The following NPAT variants were observed in gnomAD, a reference collection of about 807,000 sequenced individuals.
The protein encoded by NPAT is protein NPAT.
NPAT carries 52 observed loss-of-function variants against 130.7 expected under a neutral mutation model. The observed-to-expected ratio is 0.40, with a 90% confidence interval of 0.32 to 0.50. NPAT has a LOEUF of 0.50. NPAT is among the 20% of genes least tolerant of loss of function. The probability of loss-of-function intolerance (pLI) is 0.68; values close to 1 mark genes in which losing one functional copy is unlikely to be tolerated. For missense variants in NPAT, 1,687 were observed against 1,662.6 expected (o/e 1.01, Z -0.26); for synonymous variants, 580 against 584.8 (o/e 0.99, Z 0.12).
At chr11:108,207,402 T>C (rs2078339171) in intron 1 of NPAT, among the ~76,000 whole-genome samples, 1 of 152,218 alleles carries the variant, frequency 6.6e-6, no homozygotes, top group South Asian at 2.1e-4. Flanking sequence ...TAGGAGACCA[T>C]CTGCCTCCTG....
chr11:108,161,852 C>A lies in NPAT; in HGVS notation c.3234G>T (p.Gly1078=), dbSNP rs759474346. Residue 1078 remains glycine (G), a synonymous_variant, in exon 17 of 18, where the codon GGG becomes GGT. Coordinates refer to ENST00000278612, the MANE Select transcript of NPAT (RefSeq NM_002519.3). ...TTTGGGACACCATCTTATGGTTTGG[C>A]CCCTGCGTATTTGCCACAGGAGCAG... is the stretch of plus-strand genomic sequence containing the variant. ...STTAPVANTQ[G]PNHKMVSQNK... 2 of 1,614,072 alleles carry A rather than the reference C, an allele frequency of 1.2e-6. No homozygotes were observed. The highest frequency in any genetic ancestry group is 2.2e-5 in the South Asian group (2 of 91,086).
intron 1 of NPAT, among the ~76,000 whole-genome samples, chr11:108,198,662 T>C (rs903441767): frequency 6.6e-6 from 1 of 152,098 alleles, no homozygotes; most frequent in African/African-American, 2.4e-5. Flanking sequence ...TTTTCCAGGT[T>C]CACCCATGGA....
rs952102476 is a variant in NPAT, at chr11:108,157,307, T to C, written c.*1635A>G. On this transcript the variant is annotated 3_prime_UTR_variant, in exon 18 of 18. Coordinates refer to ENST00000278612, the MANE Select transcript of NPAT (RefSeq NM_002519.3). ...AGAAGAAAACTGTGATTTTCAGCAT[T>C]GTACAAACTCCCAAAAAGAACTGAC... 3 of 152,176 alleles carry C rather than the reference T, an allele frequency of 2.0e-5. No individual in the cohort carries two copies. Among genetic ancestry groups the C allele is most frequent in the African/African-American group, 7.2e-5 (3 of 41,460 alleles). The allele number at this position is 152,176 out of a possible 1,614,324, so 9.4% of individuals were successfully genotyped here.
chr11:108,184,902 G>A (rs1376541879), intron 10 of NPAT, among the ~76,000 whole-genome samples: 1 of 152,114 alleles, frequency 6.6e-6, no homozygotes, highest in African/African-American at 2.4e-5. Flanking sequence ...CAGTGTAGAA[G>A]AAATGTAATT....
At chr11:108,206,845 A>C (rs1308976388) in intron 1 of NPAT, among the ~76,000 whole-genome samples, 1 of 152,246 alleles carries the variant, frequency 6.6e-6, no homozygotes, top group Non-Finnish European at 1.5e-5. Context: ...AACAGCCCTC[A>C]GGAGACCTGC....
At chr11:108,181,845 T>C (rs981178258) in intron 10 of NPAT, among the ~76,000 whole-genome samples, 24 of 152,164 alleles carry the variant, frequency 1.6e-4, no homozygotes, top group Non-Finnish European at 1.0e-4. Flanking sequence ...TCATGGACTG[T>C]CATCTGCTTA....
chr11:108,190,427 A>C, intron 5 of NPAT, 33 bp downstream of exon 5: 1 of 1,573,274 alleles, frequency 6.4e-7, no homozygotes, highest in Non-Finnish European at 8.8e-7. Context: ...AGTTTGAAGT[A>C]ATTGTGAACA....
chr11:108,214,677 T>C (rs1469359404), intron 1 of NPAT, among the ~76,000 whole-genome samples: 1 of 151,338 alleles, frequency 6.6e-6, no homozygotes, highest in Non-Finnish European at 1.5e-5. Context: ...TTGTCACCTG[T>C]GCTGGAGTGC....
chr11:108,175,960 T>C (rs577492833), intron 12 of NPAT, among the ~76,000 whole-genome samples: 14 of 152,286 alleles, frequency 9.2e-5, no homozygotes, highest in Admixed American at 2.6e-4. Flanking sequence ...TGCAGTGAGC[T>C]ATGATTGTGC....
At chr11:108,171,415 G>C (rs1791647864) in intron 13 of NPAT, 2 of 148,924 alleles carry the variant, frequency 1.3e-5, no homozygotes, top group Non-Finnish European at 3.0e-5. Context: ...GAGCCACTGA[G>C]CCCAGCCATA....
At chr11:108,173,875 C>G in intron 12 of NPAT, 24 bp from the exon 13 acceptor site, 2 of 1,599,404 alleles carry the variant, frequency 1.3e-6, no homozygotes, top group Non-Finnish European at 1.7e-6. Flanking sequence ...GGCAGGTAGA[C>G]AGATATGGTA....
chr11:108,193,195 A>C (rs934398601), intron 3 of NPAT, among the ~76,000 whole-genome samples: 1 of 152,210 alleles, frequency 6.6e-6, no homozygotes, highest in Non-Finnish European at 1.5e-5. Flanking sequence ...AGGCAAGTAG[A>C]ATTTTATATT....
intron 1 of NPAT, among the ~76,000 whole-genome samples, chr11:108,220,623 T>C (rs1329575408): frequency 6.6e-6 from 1 of 152,132 alleles, no homozygotes; most frequent in Non-Finnish European, 1.5e-5. Context: ...AAAAGAATCA[T>C]GAGTAAATAA....
chr11:108,192,694 G>T (rs1453574499), intron 3 of NPAT, among the ~76,000 whole-genome samples: 2 of 152,094 alleles, frequency 1.3e-5, no homozygotes, highest in African/African-American at 4.8e-5. Context: ...GGTGGCTCAC[G>T]CCTGTAATCC....
At chr11:108,193,433 CACAA>C (rs898010913) in intron 3 of NPAT, among the ~76,000 whole-genome samples, 32 of 152,156 alleles carry the variant, frequency 2.1e-4, no homozygotes, top group African/African-American at 7.7e-4. Flanking sequence ...TCAATGTAAA[CACAA>C]ACAAATGGCT....
intron 10 of NPAT, 22 bp downstream of exon 10, chr11:108,185,210 T>A (rs774172170): frequency 6.5e-7 from 1 of 1,545,730 alleles, no homozygotes; most frequent in East Asian, 2.3e-5. Flanking sequence ...CACGCACCCA[T>A]GCACACCCCA....
rs560843877 is a variant in NPAT, at chr11:108,201,548, G to A, written c.38-4128C>T. Among the ~76,000 whole-genome samples, 256 of 152,334 alleles carry A rather than the reference G, an allele frequency of 1.7e-3. 1 individual carries two copies. The highest frequency in any genetic ancestry group is 4.1e-3 in the South Asian group (20 of 4,830). ...CAACTCAGGCCCAAGGTCCAGCCCA[G>A]AAACCTGTAGGTTACCTAAGCAAGG... On this transcript the variant is annotated intron_variant, in intron 1 of 17. Transcript: ENST00000278612.
chr11:108,193,835 C>T, intron 3 of NPAT, 122 bp downstream of exon 3: 1 of 650,410 alleles, frequency 1.5e-6, no homozygotes. Flanking sequence ...CTCATTACAA[C>T]AGGGACAAGT....
Position 108,158,905 on chromosome 11 carries a change from G to T in NPAT, c.*37C>A. The T allele has an allele frequency of 7.7e-7, 1 of 1,297,598 alleles. No homozygotes were observed. Among genetic ancestry groups the T allele is most frequent in the Non-Finnish European group, 1.1e-6 (1 of 896,190 alleles). The allele number at this position is 1,297,598 out of a possible 1,614,324, so 80.4% of individuals were successfully genotyped here. On this transcript the variant is annotated 3_prime_UTR_variant, in exon 18 of 18. Transcript: ENST00000278612. ...CCTACACTCAGTTTAAGGGATATGA[G>T]TTTTTAACACCTACTGTTCTTATGT...
Sources: allele counts gnomAD v4.1 joint callset (sites outside exome capture counted in the v4.1 genomes callset), GRCh38; gene constraint gnomAD v4.1.1; transcripts MANE v1.5; gene names NCBI Gene and HGNC (gene_info 2026-07-23, HGNC 2026-07-21).